Variants in PPP2R2B observed in about 807,000 individuals in gnomAD.
The protein encoded by PPP2R2B is serine/threonine-protein phosphatase 2A 55 kDa regulatory subunit B beta isoform.
Under a neutral mutation model 46.0 loss-of-function variants are expected in PPP2R2B, and 5 were observed. The ratio of observed to expected loss-of-function variants is 0.11; its 90% CI spans 0.06 to 0.23. PPP2R2B has a LOEUF of 0.23. Ranked by LOEUF, PPP2R2B falls within the 10% of genes least tolerant of loss-of-function variation. The pLI, the probability that PPP2R2B is intolerant of heterozygous loss-of-function variation, is 1.00. For synonymous variants in PPP2R2B, 215 were observed against 206.7 expected, an observed-to-expected ratio of 1.04 and a Z score of -0.34; for missense variants, 367 against 575.0, an observed-to-expected ratio of 0.64 and a Z score of 3.70.
At chr5:146,622,738 G>A (rs1229788698) in intron 7 of PPP2R2B, among the ~76,000 whole-genome samples, 1 of 152,088 alleles carries the variant, frequency 6.6e-6, no homozygotes, top group Non-Finnish European at 1.5e-5. Flanking sequence ...TTTCTTCTCT[G>A]AACTTCTATA....
At chr5:146,669,248 C>T (rs1268437956) in intron 5 of PPP2R2B, among the ~76,000 whole-genome samples, 1 of 151,902 alleles carries the variant, frequency 6.6e-6, no homozygotes, top group Non-Finnish European at 1.5e-5. Context: ...ACTATATATG[C>T]TTAGAATAAT....
At chr5:147,081,339 C>T in exon 1 of PPP2R2B, 1 of 1,519,654 alleles carries the variant, frequency 6.6e-7, no homozygotes, top group South Asian at 1.2e-5. Context: ...TGCTGTGAAT[C>T]ACTGCTCTGT....
chr5:146,834,480 TGTCTC>T (rs1031911088), intron 2 of PPP2R2B, among the ~76,000 whole-genome samples: 94 of 152,374 alleles, frequency 6.2e-4, no homozygotes, highest in African/African-American at 2.1e-3. Flanking sequence ...ATATTTCACT[TGTCTC>T]AACTCATCTA....
chr5:147,009,341 A>AT (rs1439684773), intron 1 of PPP2R2B, among the ~76,000 whole-genome samples: 4 of 151,966 alleles, frequency 2.6e-5, no homozygotes, highest in Non-Finnish European at 4.4e-5. Context: ...TCTCACCTCT[A>AT]TTTTTTTCCC....
At chr5:146,979,140 C>T (rs1036217933) in intron 1 of PPP2R2B, among the ~76,000 whole-genome samples, 5 of 152,130 alleles carry the variant, frequency 3.3e-5, no homozygotes, top group African/African-American at 1.2e-4. Flanking sequence ...TACGCTTCTA[C>T]CTGAGTGCCT....
chr5:146,892,091 A>G (rs1762507923), intron 1 of PPP2R2B, among the ~76,000 whole-genome samples: 1 of 152,172 alleles, frequency 6.6e-6, no homozygotes, highest in Non-Finnish European at 1.5e-5. Context: ...TTTTTCTCTG[A>G]AGCAAAATGT....
chr5:146,944,243 A>G (rs1046225913), intron 1 of PPP2R2B, among the ~76,000 whole-genome samples: 2 of 152,158 alleles, frequency 1.3e-5, no homozygotes, highest in Non-Finnish European at 2.9e-5. Flanking sequence ...AAAGGTATCC[A>G]GGTAACCATG....
At chr5:146,787,504 TTTCTC>T (rs1755915321) in intron 2 of PPP2R2B, among the ~76,000 whole-genome samples, 1 of 152,032 alleles carries the variant, frequency 6.6e-6, no homozygotes, top group South Asian at 2.1e-4. Context: ...TTTCCTCTCT[TTTCTC>T]TTCTCTCCTC....
At chr5:146,877,862 T>TGCCGGGGCCA in intron 2 of PPP2R2B, 140 bp downstream of exon 2, 1 of 999,554 alleles carries the variant, frequency 1.0e-6, no homozygotes, top group East Asian at 2.6e-5. Context: ...GCACTGGGGC[T>TGCCGGGGCCA]GCCGGGGCCA....
chr5:146,813,166 A>G (rs894045784), intron 2 of PPP2R2B, among the ~76,000 whole-genome samples: 7 of 151,758 alleles, frequency 4.6e-5, no homozygotes, highest in African/African-American at 1.7e-4. Context: ...TATATGCTAT[A>G]TGTAGAGTAT....
chr5:146,785,300 A>G (rs1282230276), intron 2 of PPP2R2B, among the ~76,000 whole-genome samples: 1 of 152,152 alleles, frequency 6.6e-6, no homozygotes, highest in Admixed American at 6.5e-5. Context: ...TAACCCAAGC[A>G]CTCTAGGAGG....
rs539014599 is a variant in PPP2R2B at position 147,000,658 on chromosome 5, A to T, written c.79+55007T>A. On this transcript the variant is annotated intron_variant, in intron 1 of 8. Coordinates refer to the PPP2R2B transcript ENST00000336640. Reference sequence around the variant, plus strand: ...TAGGTTGGTGCAAAAGTAATTGTGGATTTGCCATTTTTAATGGCAAAAACC... The same window carrying T: ...TAGGTTGGTGCAAAAGTAATTGTGGTTTTGCCATTTTTAATGGCAAAAACC... Among the ~76,000 whole-genome samples the T allele has an allele frequency of 2.0e-3, 160 of 79,812 alleles. 2 individuals are homozygous for T. In the East Asian group the frequency reaches 0.061, roughly 30 times the overall value. 52.4% of individuals were successfully genotyped at this position (79,812 alleles called of 152,430 possible).
intron 5 of PPP2R2B, among the ~76,000 whole-genome samples, chr5:146,689,878 A>C (rs1342884088): frequency 2.0e-5 from 3 of 152,236 alleles, no homozygotes; most frequent in Non-Finnish European, 4.4e-5. Context: ...GTGAGCTCAG[A>C]AGCAGCTCAA....
intron 1 of PPP2R2B, among the ~76,000 whole-genome samples, chr5:147,055,306 C>G (rs1402319623): frequency 6.6e-6 from 1 of 152,200 alleles, no homozygotes; most frequent in Non-Finnish European, 1.5e-5. Flanking sequence ...AGAGCTCGGA[C>G]AGATGTATGT....
chr5:146,973,139 G>A (rs1385681900), intron 1 of PPP2R2B, among the ~76,000 whole-genome samples: 1 of 152,054 alleles, frequency 6.6e-6, no homozygotes, highest in Non-Finnish European at 1.5e-5. Context: ...GTTTATTTAG[G>A]TATAAAAATG....
intron 2 of PPP2R2B, among the ~76,000 whole-genome samples, chr5:147,073,490 C>T (rs1487428763): frequency 6.6e-6 from 1 of 152,128 alleles, no homozygotes; most frequent in East Asian, 1.9e-4. Flanking sequence ...TAGGAAATCC[C>T]CCTGTAGCCT....
intron 2 of PPP2R2B, among the ~76,000 whole-genome samples, chr5:146,762,457 G>A (rs1754225098): frequency 6.6e-6 from 1 of 152,196 alleles, no homozygotes; most frequent in Admixed American, 6.5e-5. Flanking sequence ...CATACAGTCA[G>A]CACTCAGTTC....
intron 1 of PPP2R2B, among the ~76,000 whole-genome samples, chr5:146,950,570 A>T (rs1318323264): frequency 6.6e-6 from 1 of 152,062 alleles, no homozygotes; most frequent in Non-Finnish European, 1.5e-5. Flanking sequence ...AAACATCAGT[A>T]CTTTTCCAAG....
At chr5:146,866,568 A>T (rs1348699005) in intron 2 of PPP2R2B, among the ~76,000 whole-genome samples, 1 of 152,222 alleles carries the variant, frequency 6.6e-6, no homozygotes, top group Non-Finnish European at 1.5e-5. Context: ...CTAATTATAC[A>T]TACTTTTGAG....
Sources: allele counts gnomAD v4.1 joint callset (sites outside exome capture counted in the v4.1 genomes callset), GRCh38; gene constraint gnomAD v4.1.1; transcripts MANE v1.5; gene names NCBI Gene and HGNC (gene_info 2026-07-23, HGNC 2026-07-21).